The following POU6F2 variants were observed in gnomAD, a reference collection of about 807,000 sequenced individuals.
The protein encoded by POU6F2 is POU class 6 homeobox 2.
POU6F2 carries 31 observed loss-of-function variants against 71.3 expected under a neutral mutation model. That is an observed-to-expected ratio of 0.43 (90% CI 0.33 to 0.59). The LOEUF is 0.59. POU6F2 is among the 20% of genes least tolerant of loss of function. The probability of loss-of-function intolerance (pLI) is 0.04; values close to 1 mark genes in which losing one functional copy is unlikely to be tolerated. For missense variants in POU6F2, 783 were observed against 856.8 expected (o/e 0.91, Z 1.07); for synonymous variants, 347 against 355.7 (o/e 0.98, Z 0.27).
chr7:39,145,081 C>G (rs1395562522), intron 2 of POU6F2, among the ~76,000 whole-genome samples: 1 of 152,198 alleles, frequency 6.6e-6, no homozygotes. Flanking sequence ...GCACCTTCTT[C>G]AGATTTCTCT....
Position 39,451,588 on chromosome 7 carries a change from T to C in POU6F2, c.1376T>C (p.Leu459Pro). 1 of 1,613,854 alleles carries C rather than the reference T, an allele frequency of 6.2e-7. No homozygotes were observed. Among genetic ancestry groups the C allele is most frequent in the South Asian group, 1.1e-5 (1 of 91,032 alleles). ...VGQAASQGNL[L>P]HLAHSQASMS... Reference sequence around the variant, plus strand: ...CAAGCAGCCTCCCAAGGCAACCTTCTGCACCTGGCTCACAGCCAAGCATCC... The same window carrying C: ...CAAGCAGCCTCCCAAGGCAACCTTCCGCACCTGGCTCACAGCCAAGCATCC... The change falls in exon 8 of 10, where the codon CTG (leucine) becomes CCG (proline). Residue 459 changes from leucine to proline, a missense_variant. This residue lies in a region of POU6F2 where 572 missense variants were observed against 572.9 expected (regional missense o/e 1.00). Transcript: ENST00000518318.
chr7:39,175,669 TAATG>T (rs146520475), intron 2 of POU6F2, among the ~76,000 whole-genome samples: 2,270 of 152,306 alleles, frequency 0.015, 50 homozygotes, highest in African/African-American at 0.052. Flanking sequence ...TGAATTTTTT[TAATG>T]AAGAAAGGGG....
chr7:39,205,006 C>G (rs1344896807), intron 3 of POU6F2, among the ~76,000 whole-genome samples: 1 of 151,512 alleles, frequency 6.6e-6, no homozygotes, highest in African/African-American at 2.4e-5. Flanking sequence ...CTTTCTCTCC[C>G]TTTTATTGTC....
In POU6F2 at chr7:39,285,047, C is replaced by T. The variant is rs1180625575; in HGVS notation, c.599-54595C>T. On this transcript the variant is annotated intron_variant, in intron 4 of 9. Coordinates refer to ENST00000518318, the MANE Select transcript of POU6F2 (RefSeq NM_001370959.1). ...CAGCTTGCATCCCTCACAGGGGATA[C>T]CATTACATCTTACAGAGAAGGAAAC... Among the ~76,000 whole-genome samples, 3 of 152,296 alleles carry T rather than the reference C, an allele frequency of 2.0e-5. No individual in the cohort carries two copies. The East Asian group carries it at 5.8e-4, about 29-fold the overall frequency.
intron 4 of POU6F2, among the ~76,000 whole-genome samples, chr7:39,247,762 G>C (rs984850190): frequency 5.3e-5 from 8 of 152,194 alleles, no homozygotes; most frequent in African/African-American, 1.9e-4. Context: ...CCCAGGCTAG[G>C]ACTTACTTCA....
At chr7:39,188,074 T>C (rs569528417) in intron 2 of POU6F2, among the ~76,000 whole-genome samples, 38 of 152,344 alleles carry the variant, frequency 2.5e-4, no homozygotes, top group African/African-American at 9.1e-4. Flanking sequence ...TAATTGATAA[T>C]GACAGCCAAC....
chr7:39,407,565 A>C (rs1379731258), intron 6 of POU6F2, among the ~76,000 whole-genome samples: 1 of 151,702 alleles, frequency 6.6e-6, no homozygotes, highest in African/African-American at 2.4e-5. Context: ...TGGTTAGGAC[A>C]CTTGGTTCTC....
intron 1 of POU6F2, among the ~76,000 whole-genome samples, chr7:39,018,987 T>C (rs1160812243): frequency 1.3e-5 from 2 of 152,172 alleles, no homozygotes; most frequent in Non-Finnish European, 2.9e-5. Flanking sequence ...TCCAGGACGA[T>C]TGCATGACCA....
intron 8 of POU6F2, among the ~76,000 whole-genome samples, chr7:39,457,281 C>A (rs531188874): frequency 6.6e-6 from 1 of 152,140 alleles, no homozygotes; most frequent in Non-Finnish European, 1.5e-5. Context: ...ACCATGGAAA[C>A]CCTTCCAGAT....
intron 1 of POU6F2, among the ~76,000 whole-genome samples, chr7:39,000,392 G>A (rs774621684): frequency 6.6e-6 from 1 of 152,122 alleles, no homozygotes; most frequent in African/African-American, 2.4e-5. Context: ...GTCTAGTGAA[G>A]CAAATACAAT....
At chr7:38,985,337 A>G (rs538456151) in intron 1 of POU6F2, among the ~76,000 whole-genome samples, 1 of 152,220 alleles carries the variant, frequency 6.6e-6, no homozygotes, top group African/African-American at 2.4e-5. Flanking sequence ...TAAAACAAGA[A>G]CATCAAACTC....
intron 2 of POU6F2, among the ~76,000 whole-genome samples, chr7:39,153,782 C>T (rs1347417421): frequency 1.3e-5 from 2 of 151,964 alleles, no homozygotes; most frequent in East Asian, 3.9e-4. Context: ...TAGTTGAGTC[C>T]CTTAACATCC....
chr7:39,412,967 AT>A (rs957943055), intron 6 of POU6F2, among the ~76,000 whole-genome samples: 3 of 148,034 alleles, frequency 2.0e-5, no homozygotes, highest in Admixed American at 6.7e-5. Flanking sequence ...CGCCTGGCTA[AT>A]TTTTTTTTGT....
At chr7:39,103,608 C>G (rs1791619158) in intron 2 of POU6F2, among the ~76,000 whole-genome samples, 1 of 152,214 alleles carries the variant, frequency 6.6e-6, no homozygotes, top group Non-Finnish European at 1.5e-5. Flanking sequence ...ACTATCTCTT[C>G]AGAGAAAACT....
intron 6 of POU6F2, among the ~76,000 whole-genome samples, chr7:39,431,127 G>A (rs930261414): frequency 3.9e-5 from 6 of 152,162 alleles, no homozygotes; most frequent in African/African-American, 1.4e-4. Context: ...TGATGCTGCG[G>A]GCCAGGCATT....
At chr7:39,174,695 C>T (rs1329545125) in intron 2 of POU6F2, among the ~76,000 whole-genome samples, 1 of 152,150 alleles carries the variant, frequency 6.6e-6, no homozygotes, top group Non-Finnish European at 1.5e-5. Context: ...CCCCTCTCTC[C>T]TCAGTCTTCA....
At chr7:39,210,010 G>A (rs904782624) in intron 4 of POU6F2, among the ~76,000 whole-genome samples, 8 of 152,202 alleles carry the variant, frequency 5.3e-5, no homozygotes, top group African/African-American at 1.9e-4. Context: ...CATTCATGCA[G>A]TCAACAGCGA....
At chr7:39,378,632 T>C (rs1044136358) in intron 5 of POU6F2, among the ~76,000 whole-genome samples, 5 of 152,160 alleles carry the variant, frequency 3.3e-5, no homozygotes, top group African/African-American at 1.2e-4. Flanking sequence ...ATGAGCCCAT[T>C]TACAGATCTT....
chr7:39,379,156 C>T (rs1030938288), intron 5 of POU6F2, among the ~76,000 whole-genome samples: 2 of 152,038 alleles, frequency 1.3e-5, no homozygotes, highest in African/African-American at 2.4e-5. Flanking sequence ...AAATTGAGTC[C>T]GTTTTGAACA....
Sources: allele counts gnomAD v4.1 joint callset (sites outside exome capture counted in the v4.1 genomes callset), GRCh38; gene constraint gnomAD v4.1.1; regional missense constraint gnomAD v4.1.1; transcripts MANE v1.5; gene names NCBI Gene and HGNC (gene_info 2026-07-23, HGNC 2026-07-21).